Variants in PLA2G5 observed in about 807,000 individuals in gnomAD.
PLA2G5 encodes Ca2+-dependent phospholipase A2.
PLA2G5 carries 12 observed loss-of-function variants against 15.9 expected under a neutral mutation model. That is an observed-to-expected ratio of 0.76 (90% CI 0.48 to 1.23). The LOEUF (loss-of-function observed/expected upper bound fraction) is 1.23, where lower values mean the gene tolerates loss of function less well. Among genes scored for constraint, PLA2G5 ranks in the 50% most tolerant of loss-of-function variants. The probability of loss-of-function intolerance (pLI) is 0.00; values close to 1 mark genes in which losing one functional copy is unlikely to be tolerated. For missense variants in PLA2G5, 169 were observed against 177.1 expected (o/e 0.95, Z 0.26); for synonymous variants, 71 against 71.4 (o/e 0.99, Z 0.03).
chr1:20,033,217 C>G (rs2013061667), intron 1 of PLA2G5, among the ~76,000 whole-genome samples: 1 of 152,146 alleles, frequency 6.6e-6, no homozygotes, highest in Non-Finnish European at 1.5e-5. Flanking sequence ...GATGACATAG[C>G]CAGCTGCTGG....
At chr1:20,041,600 T>C (rs1281461729) in intron 1 of PLA2G5, among the ~76,000 whole-genome samples, 2 of 152,146 alleles carry the variant, frequency 1.3e-5, no homozygotes, top group African/African-American at 4.8e-5. Flanking sequence ...AGAAGTGATT[T>C]CCTTGAGGAT....
At chr1:20,070,100 C>G (rs550778433), upstream of PLA2G5, 1 of 618,752 alleles carries the variant, frequency 1.6e-6, no homozygotes, top group Non-Finnish European at 2.0e-6. Context: ...CAAATCCACC[C>G]GCATTGGAAT....
chr1:20,067,706 T>C (rs753955611), upstream of PLA2G5, among the ~76,000 whole-genome samples: 1 of 147,884 alleles, frequency 6.8e-6, no homozygotes, highest in Non-Finnish European at 1.5e-5. Flanking sequence ...AAAAAAATTA[T>C]AGTAATTAGG....
intron 2 of PLA2G5, among the ~76,000 whole-genome samples, chr1:20,064,113 C>T (rs1283657586): frequency 1.3e-5 from 2 of 152,176 alleles, no homozygotes; most frequent in Non-Finnish European, 2.9e-5. Context: ...CTGATCTCAA[C>T]TGACTCATTT....
chr1:20,073,801 C>A (rs1048319828), intron 1 of PLA2G5, among the ~76,000 whole-genome samples: 2 of 149,990 alleles, frequency 1.3e-5, no homozygotes, highest in Non-Finnish European at 3.0e-5. Flanking sequence ...ACCTGAGAGG[C>A]GGAGGTTGCA....
chr1:20,054,125 C>CA (rs1395331020), intron 1 of PLA2G5, among the ~76,000 whole-genome samples: 10 of 152,192 alleles, frequency 6.6e-5, no homozygotes, highest in African/African-American at 2.4e-4. Flanking sequence ...AGGTCCTCTC[C>CA]ATAGGCAGTT....
At chr1:20,085,981 T>G in intron 2 of PLA2G5, 102 bp from the exon 3 acceptor site, 1 of 1,244,834 alleles carries the variant, frequency 8.0e-7, no homozygotes, top group Non-Finnish European at 1.1e-6. Context: ...TGCAGGTCCC[T>G]CCAAGCCCTG....
chr1:20,032,677 A>G (rs2013024024), intron 1 of PLA2G5, among the ~76,000 whole-genome samples: 1 of 152,178 alleles, frequency 6.6e-6, no homozygotes, highest in African/African-American at 2.4e-5. Context: ...ATATGAAAGT[A>G]CAGAAGGTCC....
intron 1 of PLA2G5, among the ~76,000 whole-genome samples, chr1:20,039,645 A>T (rs1440027816): frequency 1.3e-5 from 2 of 152,184 alleles, no homozygotes; most frequent in Non-Finnish European, 2.9e-5. Context: ...AATAGGAAAT[A>T]TCATTTGAGA....
intron 1 of PLA2G5, among the ~76,000 whole-genome samples, chr1:20,032,136 CTTG>C: frequency 6.6e-6 from 1 of 152,170 alleles, no homozygotes; most frequent in African/African-American, 2.4e-5. Context: ...TGTTTGGTTA[CTTG>C]TTGTTTTAAA....
intron 1 of PLA2G5, among the ~76,000 whole-genome samples, chr1:20,030,909 A>AGAGTTAATTTT: frequency 6.6e-6 from 1 of 152,216 alleles, no homozygotes; most frequent in Non-Finnish European, 1.5e-5. Flanking sequence ...GATTAACAGC[A>AGAGTTAATTTT]TCTCAAGGCA....
At chr1:20,033,458 A>T (rs1214734538) in intron 1 of PLA2G5, among the ~76,000 whole-genome samples, 1 of 152,182 alleles carries the variant, frequency 6.6e-6, no homozygotes, top group Non-Finnish European at 1.5e-5. Flanking sequence ...AAGCAAGATG[A>T]CAGGAGGGAT....
At chr1:20,048,072 CATCT>C (rs755269323) in intron 1 of PLA2G5, among the ~76,000 whole-genome samples, 1 of 152,156 alleles carries the variant, frequency 6.6e-6, no homozygotes, top group South Asian at 2.1e-4. Context: ...ATGCCTAACA[CATCT>C]ATCTATTTAT....
At chr1:20,087,393 T>G (rs2016342467) in intron 3 of PLA2G5, among the ~76,000 whole-genome samples, 1 of 151,758 alleles carries the variant, frequency 6.6e-6, no homozygotes, top group African/African-American at 2.4e-5. Context: ...ACCTGTGTGA[T>G]CATATACTTT....
intron 1 of PLA2G5, among the ~76,000 whole-genome samples, chr1:20,050,584 T>C (rs922369968): frequency 3.9e-5 from 6 of 152,232 alleles, no homozygotes; most frequent in Non-Finnish European, 8.8e-5. Flanking sequence ...GGAAATTTTA[T>C]GGTCAAGATT....
upstream of PLA2G5, chr1:20,070,177 C>A (rs1222027576): frequency 2.0e-6 from 2 of 985,146 alleles, no homozygotes; most frequent in African/African-American, 3.5e-5. Flanking sequence ...TGCAGGACTT[C>A]CTGCCTCTGC....
intron 1 of PLA2G5, among the ~76,000 whole-genome samples, chr1:20,081,463 C>G (rs1031051379): frequency 1.3e-5 from 2 of 151,886 alleles, no homozygotes; most frequent in Non-Finnish European, 2.9e-5. Context: ...CCCAGGGCCA[C>G]GCAGGAAGTG....
At chr1:20,086,892 C>T (rs1248927952) in intron 3 of PLA2G5, among the ~76,000 whole-genome samples, 2 of 152,130 alleles carry the variant, frequency 1.3e-5, no homozygotes, top group Non-Finnish European at 2.9e-5. Context: ...AGATTTTGCT[C>T]CTTGGAAAGC....
rs765441972 is a variant in PLA2G5, at chr1:20,089,851, C to T, written c.248C>T (p.Thr83Ile). The change falls in exon 4 of 5, where the codon ACA becomes ATA. Residue 83 changes from threonine (T) to isoleucine (I), a missense_variant. By Grantham distance (89) the Thr-to-Ile change is moderately conservative (BLOSUM62 -1). Transcript: ENST00000375108. ...RLEEKGCNIR[T>I]QSYKYRFAWG... is the part of the protein sequence containing the mutation. ...GAGGAGAAGGGCTGCAACATTCGCA[C>T]ACAGTCCTACAAATACAGATTCGCG... 2 of 1,614,116 alleles carry T rather than the reference C, an allele frequency of 1.2e-6. No individual in the cohort carries two copies. The highest frequency in any genetic ancestry group is 1.7e-6 in the Non-Finnish European group (2 of 1,179,980).
Sources: allele counts gnomAD v4.1 joint callset (sites outside exome capture counted in the v4.1 genomes callset), GRCh38; gene constraint gnomAD v4.1.1; transcripts MANE v1.5; gene names NCBI Gene and HGNC (gene_info 2026-07-23, HGNC 2026-07-21).